The following LSAMP variants were observed in gnomAD, a reference collection of about 807,000 sequenced individuals.
LSAMP encodes limbic system-associated membrane protein.
Under a neutral mutation model 38.6 loss-of-function variants are expected in LSAMP, and 7 were observed. That is an observed-to-expected ratio of 0.18 (90% CI 0.10 to 0.34). LSAMP has a LOEUF of 0.34. LSAMP is among the 10% of genes least tolerant of loss of function. LSAMP has a pLI of 1.00. For missense variants in LSAMP, 313 were observed against 420.0 expected (o/e 0.75, Z 2.23); for synonymous variants, 154 against 166.8 (o/e 0.92, Z 0.59).
At chr3:115,855,008 T>G (rs898222197) in intron 3 of LSAMP, among the ~76,000 whole-genome samples, 2 of 152,194 alleles carry the variant, frequency 1.3e-5, no homozygotes, top group African/African-American at 4.8e-5. Context: ...CCCCCACCCA[T>G]AATCTTAATC....
chr3:116,142,061 A>G (rs1403858862), intron 1 of LSAMP, among the ~76,000 whole-genome samples: 2 of 152,024 alleles, frequency 1.3e-5, no homozygotes, highest in Non-Finnish European at 2.9e-5. Context: ...GCTCACGAGT[A>G]TAGTATAGCG....
chr3:115,878,309 A>G (rs1388899531), intron 3 of LSAMP, among the ~76,000 whole-genome samples: 1 of 152,130 alleles, frequency 6.6e-6, no homozygotes, highest in Non-Finnish European at 1.5e-5. Flanking sequence ...GTTATGGGAT[A>G]TGTTACATTT....
intron 1 of LSAMP, among the ~76,000 whole-genome samples, chr3:116,198,865 C>A (rs1276943282): frequency 6.6e-6 from 1 of 151,732 alleles, no homozygotes; most frequent in Non-Finnish European, 1.5e-5. Flanking sequence ...GTCACTTGAG[C>A]TCCGGAGTTC....
intron 1 of LSAMP, among the ~76,000 whole-genome samples, chr3:116,092,564 C>T (rs1365208665): frequency 6.6e-6 from 1 of 152,236 alleles, no homozygotes; most frequent in East Asian, 1.9e-4. Flanking sequence ...AAATTTTTAT[C>T]TTCCCTGTTT....
intron 1 of LSAMP, among the ~76,000 whole-genome samples, chr3:116,217,350 C>A: frequency 6.6e-6 from 1 of 152,164 alleles, no homozygotes. Context: ...GAGTGACTGG[C>A]AACATAAAAT....
intron 1 of LSAMP, among the ~76,000 whole-genome samples, chr3:116,272,915 T>G (rs2046993552): frequency 6.6e-6 from 1 of 152,190 alleles, no homozygotes; most frequent in African/African-American, 2.4e-5. Context: ...ACGAGCATTT[T>G]GGGCATAAAT....
At chr3:116,331,618 C>G (rs1351090459) in intron 1 of LSAMP, among the ~76,000 whole-genome samples, 1 of 152,090 alleles carries the variant, frequency 6.6e-6, no homozygotes, top group Non-Finnish European at 1.5e-5. Context: ...TAAATGAAAT[C>G]TAAGGAATTT....
intron 1 of LSAMP, among the ~76,000 whole-genome samples, chr3:116,436,978 G>A (rs1419804162): frequency 6.7e-6 from 1 of 150,318 alleles, no homozygotes; most frequent in Non-Finnish European, 1.5e-5. Flanking sequence ...AAGAAAGTGT[G>A]GCATATATAT....
chr3:116,185,788 A>T (rs1016289567), intron 1 of LSAMP, among the ~76,000 whole-genome samples: 2 of 151,946 alleles, frequency 1.3e-5, no homozygotes, highest in African/African-American at 2.4e-5. Flanking sequence ...AAAGATTTCC[A>T]GGAGAAAATT....
chr3:115,861,960 G>A (rs558989149), intron 3 of LSAMP, among the ~76,000 whole-genome samples: 1 of 152,252 alleles, frequency 6.6e-6, no homozygotes, highest in East Asian at 1.9e-4. Flanking sequence ...CTCGGGTGCG[G>A]GGAAGAAGAG....
At chr3:115,904,138 T>C (rs1048042506) in intron 3 of LSAMP, among the ~76,000 whole-genome samples, 1 of 152,070 alleles carries the variant, frequency 6.6e-6, no homozygotes. Context: ...CAAATAAAGA[T>C]AGGAATTATG....
intron 1 of LSAMP, among the ~76,000 whole-genome samples, chr3:116,365,911 C>T (rs2048345059): frequency 1.1e-5 from 1 of 93,564 alleles, no homozygotes; most frequent in Non-Finnish European, 2.0e-5. Flanking sequence ...ATACCTAATG[C>T]TAGATGACAC....
At chr3:116,399,561 G>T (rs2048811688) in intron 1 of LSAMP, among the ~76,000 whole-genome samples, 1 of 152,150 alleles carries the variant, frequency 6.6e-6, no homozygotes, top group Non-Finnish European at 1.5e-5. Flanking sequence ...ACCAAAAGTG[G>T]GCAATATAGA....
chr3:115,918,921 G>A (rs1011989609), intron 3 of LSAMP, among the ~76,000 whole-genome samples: 2 of 152,054 alleles, frequency 1.3e-5, no homozygotes, highest in African/African-American at 4.8e-5. Flanking sequence ...CTATGAAATA[G>A]AGGCTAAATG....
At chr3:115,990,332 C>T (rs574739310) in intron 3 of LSAMP, among the ~76,000 whole-genome samples, 9 of 152,148 alleles carry the variant, frequency 5.9e-5, no homozygotes, top group Admixed American at 3.9e-4. Flanking sequence ...AACCATTTAA[C>T]GCCCAAGAGC....
At chr3:116,324,601 A>G (rs903965364) in intron 1 of LSAMP, among the ~76,000 whole-genome samples, 1 of 152,160 alleles carries the variant, frequency 6.6e-6, no homozygotes, top group Non-Finnish European at 1.5e-5. Context: ...GAATCACAAC[A>G]TAAGGCTTTA....
intron 1 of LSAMP, among the ~76,000 whole-genome samples, chr3:116,146,794 A>C (rs549246460): frequency 6.6e-6 from 1 of 151,940 alleles, no homozygotes; most frequent in Non-Finnish European, 1.5e-5. Context: ...ACAGAATCAT[A>C]TCAATTTGGT....
chr3:116,253,305 A>G (rs1011625900), intron 1 of LSAMP, among the ~76,000 whole-genome samples: 1 of 152,214 alleles, frequency 6.6e-6, no homozygotes, highest in Admixed American at 6.6e-5. Flanking sequence ...GGAACTACAG[A>G]AAACAAGAGG....
intron 1 of LSAMP, among the ~76,000 whole-genome samples, chr3:116,155,718 A>G (rs1398359030): frequency 6.6e-6 from 1 of 151,404 alleles, no homozygotes; most frequent in Non-Finnish European, 1.5e-5. Flanking sequence ...ATTAGCCAAG[A>G]TGAAAGCTCT....
Sources: allele counts gnomAD v4.1 joint callset (sites outside exome capture counted in the v4.1 genomes callset), GRCh38; gene constraint gnomAD v4.1.1; transcripts MANE v1.5; gene names NCBI Gene and HGNC (gene_info 2026-07-23, HGNC 2026-07-21).